Variants in TUBGCP3 observed in about 807,000 individuals in gnomAD.
TUBGCP3 encodes the protein tubulin gamma complex component 3.
Under a neutral mutation model 123.1 loss-of-function variants are expected in TUBGCP3, and 50 were observed. That is an observed-to-expected ratio of 0.41 (90% confidence interval 0.32 to 0.51). The LOEUF (loss-of-function observed/expected upper bound fraction) is 0.51. Ranked by LOEUF, TUBGCP3 falls within the 20% of genes least tolerant of loss-of-function variation. TUBGCP3 has a pLI of 0.36. For missense variants in TUBGCP3, 882 were observed against 1,127.0 expected, an observed-to-expected ratio of 0.78 and a Z score of 3.11; for synonymous variants, 405 against 413.9, an observed-to-expected ratio of 0.98 and a Z score of 0.26.
chr13:112,519,067 A>C lies in TUBGCP3; in HGVS notation c.1882-24T>G. The C allele has an allele frequency of 3.1e-6, 5 of 1,590,910 alleles. No homozygotes were observed. Among genetic ancestry groups the C allele is most frequent in the Non-Finnish European group, 4.3e-6 (5 of 1,158,950 alleles). ...ACCTAACAACAGAAACAAACACATA[A>C]TTGCAAGACCTTAAGCTTCTTGCTG... On this transcript the variant is annotated intron_variant, in intron 15 of 21. Coordinates refer to ENST00000261965, the MANE Select transcript of TUBGCP3 (RefSeq NM_006322.6). The surrounding 1 kb of genome is among the most constrained non-coding windows in gnomAD (Gnocchi z 6.2).
intron 3 of TUBGCP3, among the ~76,000 whole-genome samples, chr13:112,563,650 T>C (rs1374899060): frequency 6.8e-6 from 1 of 147,718 alleles, no homozygotes; most frequent in Non-Finnish European, 1.5e-5. Flanking sequence ...GATCACGAAG[T>C]CAGGAGATCG....
intron 19 of TUBGCP3, among the ~76,000 whole-genome samples, chr13:112,502,721 A>G (rs1881014184): frequency 6.6e-6 from 1 of 151,174 alleles, no homozygotes; most frequent in Non-Finnish European, 1.5e-5. Context: ...AATTTTTTGT[A>G]TTTTTAGTAG....
chr13:112,586,740 T>A (rs905984871), intron 1 of TUBGCP3, among the ~76,000 whole-genome samples: 7 of 152,274 alleles, frequency 4.6e-5, no homozygotes, highest in African/African-American at 1.4e-4. Flanking sequence ...GTCTGTCAGA[T>A]CTGTGGGAGG....
intron 17 of TUBGCP3, among the ~76,000 whole-genome samples, chr13:112,506,772 C>G (rs78032765): frequency 0.026 from 4,028 of 152,316 alleles, 91 homozygotes; most frequent in Middle Eastern, 0.082. Flanking sequence ...CAAAACCCCT[C>G]AAACTACAAT....
At chr13:112,517,888 T>A (rs1273202632) in intron 16 of TUBGCP3, among the ~76,000 whole-genome samples, 1 of 152,156 alleles carries the variant, frequency 6.6e-6, no homozygotes, top group East Asian at 1.9e-4. Flanking sequence ...TGAGACTCTG[T>A]GTCAAAAATA....
the TUBGCP3 span, among the ~76,000 whole-genome samples, chr13:112,594,194 C>A: frequency 6.6e-6 from 1 of 152,262 alleles, no homozygotes; most frequent in South Asian, 2.1e-4. Flanking sequence ...GATACCAAAG[C>A]CAGGCAAACA....
chr13:112,573,322 T>C (rs1325929459), intron 1 of TUBGCP3, among the ~76,000 whole-genome samples: 1 of 151,240 alleles, frequency 6.6e-6, no homozygotes, highest in Non-Finnish European at 1.5e-5. Context: ...GTTGAAGAAG[T>C]CTCTCAAAAA....
chr13:112,509,230 T>C (rs1168787591), intron 17 of TUBGCP3, among the ~76,000 whole-genome samples: 1 of 152,200 alleles, frequency 6.6e-6, no homozygotes, highest in Non-Finnish European at 1.5e-5. Flanking sequence ...AACATTCCCA[T>C]GCCACTTGGA....
Position 112,569,900 on chromosome 13 carries a change from A to G in TUBGCP3, c.77-641T>C, listed in dbSNP as rs370441951. ...TTCAAGAGGACAATGAAACCGGAAC[A>G]CTAAATGTCCGTCAAGTTAAGAATG... On this transcript the variant is annotated intron_variant, in intron 1 of 21. Transcript: ENST00000261965. 2.6e-5 allele frequency among the ~76,000 whole-genome samples: 4 copies of G among 152,190 alleles called. No homozygotes were observed. In the East Asian group the frequency reaches 5.8e-4, roughly 22 times the overall value.
chr13:112,591,045 C>A (rs1209810880), upstream of TUBGCP3, among the ~76,000 whole-genome samples: 3 of 152,210 alleles, frequency 2.0e-5, no homozygotes, highest in Admixed American at 1.3e-4. Flanking sequence ...GTAAAAGATT[C>A]TTTCCACAGT....
chr13:112,536,260 C>A (rs546360213), intron 11 of TUBGCP3, among the ~76,000 whole-genome samples: 1 of 152,256 alleles, frequency 6.6e-6, no homozygotes, highest in Non-Finnish European at 1.5e-5. Context: ...TGAAGATCAG[C>A]TTTTCCATTT....
intron 4 of TUBGCP3, among the ~76,000 whole-genome samples, chr13:112,558,738 T>C (rs78065640): frequency 0.025 from 3,744 of 152,326 alleles, 73 homozygotes; most frequent in Middle Eastern, 0.054. Flanking sequence ...CACATCTATA[T>C]GGTTTACATG....
intron 11 of TUBGCP3, among the ~76,000 whole-genome samples, chr13:112,543,990 C>G (rs1167293726): frequency 6.6e-6 from 1 of 152,160 alleles, no homozygotes; most frequent in Non-Finnish European, 1.5e-5. Flanking sequence ...CAAATAAACA[C>G]CCCAGTGAGA....
At chr13:112,597,942 C>T in the TUBGCP3 span, among the ~76,000 whole-genome samples, 1 of 151,986 alleles carries the variant, frequency 6.6e-6, no homozygotes, top group South Asian at 2.1e-4. Context: ...GACATCAAGG[C>T]AATGATAAAA....
At chr13:112,578,498 G>C (rs1882020418) in intron 1 of TUBGCP3, among the ~76,000 whole-genome samples, 1 of 136,772 alleles carries the variant, frequency 7.3e-6, no homozygotes, top group African/African-American at 2.8e-5. Context: ...GGCGGAGCTT[G>C]CAGTGAGCCG....
chr13:112,596,001 A>C, the TUBGCP3 span, among the ~76,000 whole-genome samples: 1 of 152,178 alleles, frequency 6.6e-6, no homozygotes. Flanking sequence ...TTACATGTAC[A>C]TAACTTATTT....
intron 21 of TUBGCP3, among the ~76,000 whole-genome samples, chr13:112,489,231 G>C (rs1332611610): frequency 1.3e-5 from 2 of 149,960 alleles, no homozygotes. Flanking sequence ...GGAGCACAGG[G>C]GCCACGCCCA....
At chr13:112,553,808 GCT>G (rs1464388021) in intron 8 of TUBGCP3, among the ~76,000 whole-genome samples, 2 of 152,260 alleles carry the variant, frequency 1.3e-5, no homozygotes, top group African/African-American at 2.4e-5. Flanking sequence ...CCCATGGCCA[GCT>G]CTGTCTCACC....
intron 20 of TUBGCP3, among the ~76,000 whole-genome samples, chr13:112,492,950 T>C (rs569074646): frequency 6.7e-6 from 1 of 148,870 alleles, no homozygotes; most frequent in Admixed American, 6.6e-5. Flanking sequence ...GAACGGGGCC[T>C]GGTGTGCCTG....
Sources: gnomAD v4.1 joint callset for allele counts (sites outside exome capture counted in the v4.1 genomes callset) on GRCh38, gnomAD v4.1.1 for gene constraint, Gnocchi (gnomAD v3.1) non-coding constraint, MANE v1.5 for transcripts, NCBI Gene and HGNC (gene_info 2026-07-23, HGNC 2026-07-21) for gene names.